Variants in KIAA1958 observed in about 807,000 individuals in gnomAD.
KIAA1958 encodes the protein uncharacterized protein KIAA1958.
A neutral mutation model predicts 47.2 loss-of-function variants in KIAA1958; 14 were observed. The observed-to-expected ratio is 0.30, with a 90% CI of 0.20 to 0.46. The LOEUF (loss-of-function observed/expected upper bound fraction) is 0.46. Ranked by LOEUF, KIAA1958 falls within the 20% of genes least tolerant of loss-of-function variation. KIAA1958 has a pLI of 1.00. For missense variants in KIAA1958, 803 were observed against 909.2 expected (o/e 0.88, Z 1.50); for synonymous variants, 354 against 353.3 (o/e 1.00, Z -0.02).
In KIAA1958 at chr9:112,486,960, C is replaced by T. The variant is rs1238795616; in HGVS notation, c.-183C>T. ...TCCTCGGTCCGCCGCCCGCCGGGCG[C>T]CTTCCCCGCTCCACTTACCTTTGGT... On this transcript the variant is annotated 5_prime_UTR_variant, in exon 1 of 4. Transcript: ENST00000337530. 1 of 170,546 alleles carries T rather than the reference C, an allele frequency of 5.9e-6. No individual in the cohort carries two copies. The highest frequency in any genetic ancestry group is 1.2e-5 in the Non-Finnish European group (1 of 81,650). The allele number at this position is 170,546 out of a possible 1,614,324, so 10.6% of individuals were successfully genotyped here. A position where few individuals can be genotyped will look rare whatever the true frequency, so the allele number is the denominator to read the frequency against.
At chr9:112,542,129 A>C (rs974223309) in intron 1 of KIAA1958, among the ~76,000 whole-genome samples, 12 of 152,202 alleles carry the variant, frequency 7.9e-5, no homozygotes, top group African/African-American at 2.7e-4. Context: ...GTCATATTTT[A>C]AACTGAGTTC....
intron 2 of KIAA1958, among the ~76,000 whole-genome samples, chr9:112,637,670 C>T (rs1306707179): frequency 6.6e-6 from 1 of 152,114 alleles, no homozygotes; most frequent in South Asian, 2.1e-4. Flanking sequence ...GCCACTGCAC[C>T]TGGCCTTACC....
intron 1 of KIAA1958, among the ~76,000 whole-genome samples, chr9:112,560,336 G>T (rs1402105361): frequency 6.6e-6 from 1 of 151,568 alleles, no homozygotes; most frequent in African/African-American, 2.4e-5. Context: ...GAGTAGCTAG[G>T]ACTACAGGTT....
chr9:112,581,522 G>GTC (rs1461175385), intron 2 of KIAA1958, among the ~76,000 whole-genome samples: 1 of 152,116 alleles, frequency 6.6e-6, no homozygotes, highest in Non-Finnish European at 1.5e-5. Flanking sequence ...AAAATGCTGT[G>GTC]TCTGCCCAGC....
intron 2 of KIAA1958, among the ~76,000 whole-genome samples, chr9:112,620,005 A>G (rs1388292471): frequency 2.0e-5 from 3 of 152,154 alleles, no homozygotes; most frequent in African/African-American, 7.2e-5. Flanking sequence ...TTAGGTAACA[A>G]TATTTTGTTA....
chr9:112,499,706 T>G (rs563262365), intron 1 of KIAA1958, among the ~76,000 whole-genome samples: 1 of 149,508 alleles, frequency 6.7e-6, no homozygotes, highest in Admixed American at 6.7e-5. Flanking sequence ...TTTTTTTTTT[T>G]GAGACAGAGT....
Position 112,487,121 on chromosome 9 carries a change from G to T in KIAA1958, c.-25+3G>T. On this transcript the variant is annotated splice_donor_region_variant and intron_variant, in intron 1 of 3. Coordinates refer to ENST00000337530, the MANE Select transcript of KIAA1958 (RefSeq NM_133465.4). The stretch of plus-strand genomic sequence containing the variant: ...GACAGACGCACAGACACCTGCAGGT[G>T]GGTGAGAGCCCGCGCGCGGGGCGGG... 4.8e-6 allele frequency: 1 copy of T among 206,974 alleles called. No homozygotes were observed. 12.8% of individuals were successfully genotyped at this position (206,974 alleles called of 1,614,324 possible). A position where few individuals can be genotyped will look rare whatever the true frequency, so the allele number is the denominator to read the frequency against.
intron 1 of KIAA1958, among the ~76,000 whole-genome samples, chr9:112,569,470 T>C (rs973154594): frequency 1.2e-4 from 18 of 152,244 alleles, no homozygotes; most frequent in African/African-American, 4.3e-4. Context: ...CTGAAAGGAA[T>C]GCCAGTGCAG....
In KIAA1958 at chr9:112,574,893, A is replaced by G. The variant is rs1408304952; in HGVS notation, c.813A>G (p.Ala271=). ...AGCTAGACCCACACGGTATGTCTGC[A>G]TCCCCCTCTGTGATCTCCAGACCAA... ...STELDPHGMS[A]SPSVISRPIV... Residue 271 remains alanine (A), a synonymous_variant, in exon 2 of 4, where the codon GCA becomes GCG. Coordinates refer to ENST00000337530, the MANE Select transcript of KIAA1958 (RefSeq NM_133465.4). 5.6e-6 allele frequency: 9 copies of G among 1,614,016 alleles called. No homozygotes were observed. Among genetic ancestry groups the G allele is most frequent in the Non-Finnish European group, 7.6e-6 (9 of 1,180,030 alleles).
intron 1 of KIAA1958, among the ~76,000 whole-genome samples, chr9:112,518,757 A>T (rs1786859653): frequency 6.6e-6 from 1 of 152,110 alleles, no homozygotes; most frequent in Non-Finnish European, 1.5e-5. Flanking sequence ...GGCATTTTTT[A>T]AAAAGTAAAA....
intron 1 of KIAA1958, among the ~76,000 whole-genome samples, chr9:112,533,481 G>A (rs1267769968): frequency 1.1e-4 from 17 of 150,750 alleles, no homozygotes; most frequent in Non-Finnish European, 2.1e-4. Flanking sequence ...CTCAGGAGGC[G>A]GAGGCAGTAG....
intron 2 of KIAA1958, among the ~76,000 whole-genome samples, chr9:112,608,616 G>A (rs1316022431): frequency 3.3e-5 from 5 of 151,804 alleles, no homozygotes; most frequent in Non-Finnish European, 5.9e-5. Context: ...TGGCAAAACC[G>A]TTATCTATAC....
intron 2 of KIAA1958, among the ~76,000 whole-genome samples, chr9:112,621,718 G>A (rs966438035): frequency 3.9e-5 from 6 of 152,102 alleles, no homozygotes; most frequent in African/African-American, 1.4e-4. Flanking sequence ...CTTGGTAGAA[G>A]CCTAGCCAAA....
At chr9:112,637,875 G>A (rs746834529) in intron 2 of KIAA1958, among the ~76,000 whole-genome samples, 36 of 152,012 alleles carry the variant, frequency 2.4e-4, no homozygotes, top group Non-Finnish European at 4.4e-4. Flanking sequence ...TGGGCCAGGC[G>A]CGGTGGCTCA....
chr9:112,501,986 T>C (rs1306292467), intron 1 of KIAA1958, among the ~76,000 whole-genome samples: 1 of 152,240 alleles, frequency 6.6e-6, no homozygotes, highest in Non-Finnish European at 1.5e-5. Flanking sequence ...AAGAGAAATG[T>C]TCAGCCTCCA....
chr9:112,613,588 A>G (rs1444342197), intron 2 of KIAA1958, among the ~76,000 whole-genome samples: 1 of 151,960 alleles, frequency 6.6e-6, no homozygotes, highest in Non-Finnish European at 1.5e-5. Context: ...TAAATATAAC[A>G]AACATTCATA....
chr9:112,528,389 G>A (rs1439566149), intron 1 of KIAA1958, among the ~76,000 whole-genome samples: 2 of 152,116 alleles, frequency 1.3e-5, no homozygotes, highest in Non-Finnish European at 2.9e-5. Context: ...CCTGTGCAGG[G>A]TTAAGTATTC....
intron 1 of KIAA1958, among the ~76,000 whole-genome samples, chr9:112,541,213 T>C (rs1490942099): frequency 6.6e-6 from 1 of 152,216 alleles, no homozygotes; most frequent in Non-Finnish European, 1.5e-5. Flanking sequence ...CGTCCTTGTT[T>C]TAAATTTTTA....
chr9:112,626,998 C>G (rs896433389), intron 2 of KIAA1958, among the ~76,000 whole-genome samples: 1 of 152,112 alleles, frequency 6.6e-6, no homozygotes, highest in African/African-American at 2.4e-5. Flanking sequence ...AACTGAAAAA[C>G]TGTGTTAAAA....
Sources: gnomAD v4.1 joint callset for allele counts (sites outside exome capture counted in the v4.1 genomes callset) on GRCh38, gnomAD v4.1.1 for gene constraint, MANE v1.5 for transcripts, NCBI Gene and HGNC (gene_info 2026-07-23, HGNC 2026-07-21) for gene names.